NYAP2: variants seen among roughly 807,000 people sequenced by gnomAD.
NYAP2 encodes the protein neuronal tyrosine-phosphorylated phosphoinositide-3-kinase adapter 2.
A neutral mutation model predicts 50.4 loss-of-function variants in NYAP2; 23 were observed. The observed-to-expected ratio is 0.46, with a 90% CI of 0.33 to 0.65. The LOEUF (loss-of-function observed/expected upper bound fraction) is 0.65. Among genes scored for constraint, NYAP2 ranks in the 30% least tolerant of loss-of-function variants. The pLI, the probability that NYAP2 is intolerant of heterozygous loss-of-function variation, is 0.02. For synonymous variants in NYAP2, 394 were observed against 365.2 expected, an observed-to-expected ratio of 1.08 and a Z score of -0.90; for missense variants, 885 against 861.0, an observed-to-expected ratio of 1.03 and a Z score of -0.35.
At chr2:225,676,072 G>A in the NYAP2 span, among the ~76,000 whole-genome samples, 1 of 152,222 alleles carries the variant, frequency 6.6e-6, no homozygotes, top group South Asian at 2.1e-4. Context: ...CAGAGGCACA[G>A]TTTATGAATA....
At chr2:225,574,509 A>G (rs1425399842) in intron 4 of NYAP2, among the ~76,000 whole-genome samples, 1 of 152,176 alleles carries the variant, frequency 6.6e-6, no homozygotes, top group Non-Finnish European at 1.5e-5. Context: ...TCTGTAACAA[A>G]TGACCTGTAC....
chr2:225,485,800 G>T (rs571135718), intron 3 of NYAP2, among the ~76,000 whole-genome samples: 9 of 152,164 alleles, frequency 5.9e-5, no homozygotes, highest in African/African-American at 1.9e-4. Context: ...ACCTCAAAAA[G>T]CTTCAGAAGC....
intron 3 of NYAP2, among the ~76,000 whole-genome samples, chr2:225,446,218 C>G (rs1033864575): frequency 6.1e-5 from 5 of 81,582 alleles, no homozygotes; most frequent in African/African-American, 2.1e-4. Flanking sequence ...GTCTGTCTGT[C>G]TCTCTCTCTC....
At chr2:225,404,592 G>A (rs1455764096) in intron 2 of NYAP2, among the ~76,000 whole-genome samples, 1 of 151,950 alleles carries the variant, frequency 6.6e-6, no homozygotes, top group Non-Finnish European at 1.5e-5. Flanking sequence ...GTTTGATTTG[G>A]TGCAATTTAG....
At chr2:225,637,735 A>G (rs759753162) in intron 6 of NYAP2, among the ~76,000 whole-genome samples, 19 of 152,204 alleles carry the variant, frequency 1.2e-4, no homozygotes, top group African/African-American at 4.6e-4. Flanking sequence ...ATGCATGTTT[A>G]TCAGAGAAAG....
intron 3 of NYAP2, among the ~76,000 whole-genome samples, chr2:225,455,336 G>A (rs1689722634): frequency 6.6e-6 from 1 of 152,100 alleles, no homozygotes; most frequent in Non-Finnish European, 1.5e-5. Context: ...ATTTGGCCAG[G>A]CAGTGCACGT....
Position 225,512,827 on chromosome 2 carries a change from C to CTTTCTTTCTTTCTTTCTT in NYAP2, c.222-543_222-542insTTCTTTCTTTCTTTCTTT, listed in dbSNP as rs1188934335. 1.6e-4 allele frequency among the ~76,000 whole-genome samples: 13 copies of CTTTCTTTCTTTCTTTCTT among 83,406 alleles called. 1 individual carries two copies. Among genetic ancestry groups the CTTTCTTTCTTTCTTTCTT allele is most frequent in the African/African-American group, 7.7e-4 (13 of 16,980 alleles). 54.7% of individuals were successfully genotyped at this position (83,406 alleles called of 152,430 possible). A position where few individuals can be genotyped will look rare whatever the true frequency, so the allele number is the denominator to read the frequency against. ...CTCTTTCTTTTCTTTCTTTCTCTCT[C>CTTTCTTTCTTTCTTTCTT]TCTCTCTCTCTTTCTTTCTTTCTTT... On this transcript the variant is annotated intron_variant, in intron 3 of 6. Coordinates refer to ENST00000636099, the Ensembl canonical transcript of NYAP2.
the NYAP2 span, among the ~76,000 whole-genome samples, chr2:225,696,101 ATTATAAT>A: frequency 2.6e-5 from 4 of 152,140 alleles, no homozygotes; most frequent in South Asian, 4.1e-4. Context: ...AATAACTATT[ATTATAAT>A]TTATAAGTAA....
At chr2:225,595,739 G>A (rs1164164445) in intron 5 of NYAP2, among the ~76,000 whole-genome samples, 1 of 151,862 alleles carries the variant, frequency 6.6e-6, no homozygotes, top group African/African-American at 2.4e-5. Context: ...TAATCAAATT[G>A]CCCACTGATG....
chr2:225,688,798 A>G, the NYAP2 span, among the ~76,000 whole-genome samples: 1 of 152,202 alleles, frequency 6.6e-6, no homozygotes, highest in Non-Finnish European at 1.5e-5. Context: ...GGTGGAGTGC[A>G]GTGGCACGAT....
chr2:225,642,719 C>T (rs1387850600), intron 6 of NYAP2, among the ~76,000 whole-genome samples: 1 of 152,130 alleles, frequency 6.6e-6, no homozygotes, highest in Non-Finnish European at 1.5e-5. Flanking sequence ...GAAGTCAGCT[C>T]TTACTACAGA....
chr2:225,492,697 G>A (rs1222889708), intron 3 of NYAP2, among the ~76,000 whole-genome samples: 1 of 152,146 alleles, frequency 6.6e-6, no homozygotes, highest in Non-Finnish European at 1.5e-5. Flanking sequence ...TTTACTCATG[G>A]TGGAAGGCAA....
intron 4 of NYAP2, among the ~76,000 whole-genome samples, chr2:225,569,055 G>A (rs866218994): frequency 6.6e-6 from 1 of 152,168 alleles, no homozygotes; most frequent in Non-Finnish European, 1.5e-5. Context: ...AGGGGAAGGG[G>A]AAATGGAAGA....
At chr2:225,494,720 G>A (rs972513483) in intron 3 of NYAP2, among the ~76,000 whole-genome samples, 2 of 152,164 alleles carry the variant, frequency 1.3e-5, no homozygotes, top group Non-Finnish European at 2.9e-5. Flanking sequence ...TCTATGGAAA[G>A]GTTATTTACT....
intron 5 of NYAP2, among the ~76,000 whole-genome samples, chr2:225,610,149 G>T (rs1692854623): frequency 6.6e-6 from 1 of 152,120 alleles, no homozygotes; most frequent in African/African-American, 2.4e-5. Flanking sequence ...ATGTACGGTT[G>T]GTATGTTGGT....
At chr2:225,522,049 A>T (rs1691069128) in intron 4 of NYAP2, among the ~76,000 whole-genome samples, 1 of 152,098 alleles carries the variant, frequency 6.6e-6, no homozygotes, top group African/African-American at 2.4e-5. Flanking sequence ...CAGATTTTCT[A>T]GTTTATTTGC....
intron 4 of NYAP2, among the ~76,000 whole-genome samples, chr2:225,568,280 G>A (rs747959707): frequency 6.6e-6 from 1 of 152,082 alleles, no homozygotes; most frequent in Non-Finnish European, 1.5e-5. Context: ...TAATTTCTCA[G>A]TTAATTTTTC....
chr2:225,550,814 T>G (rs1691660711), intron 4 of NYAP2, among the ~76,000 whole-genome samples: 1 of 152,058 alleles, frequency 6.6e-6, no homozygotes, highest in South Asian at 2.1e-4. Flanking sequence ...AGATTGGAGC[T>G]TTTTCCAATG....
At chr2:225,442,447 T>C (rs1181238103) in intron 3 of NYAP2, among the ~76,000 whole-genome samples, 1 of 152,254 alleles carries the variant, frequency 6.6e-6, no homozygotes, top group East Asian at 1.9e-4. Context: ...AAAATGTGCA[T>C]TATTTCCTGT....
Sources: allele counts gnomAD v4.1 joint callset (sites outside exome capture counted in the v4.1 genomes callset), GRCh38; gene constraint gnomAD v4.1.1; transcripts MANE v1.5; gene names NCBI Gene and HGNC (gene_info 2026-07-23, HGNC 2026-07-21).